OXCT1: variants seen among roughly 807,000 people sequenced by gnomAD.
The protein encoded by OXCT1 is 3-oxoacid CoA-transferase 1, also known as succinyl-CoA:3-ketoacid coenzyme A transferase 1, mitochondrial.
OXCT1 carries 27 observed loss-of-function variants against 69.6 expected under a neutral mutation model. That is an observed-to-expected ratio of 0.39 (90% CI 0.29 to 0.54). The LOEUF is 0.54. Among genes scored for constraint, OXCT1 ranks in the 20% least tolerant of loss-of-function variants. The pLI, the probability that OXCT1 is intolerant of heterozygous loss-of-function variation, is 0.72. For missense variants in OXCT1, 437 were observed against 650.2 expected (o/e 0.67, Z 3.57); for synonymous variants, 202 against 217.8 (o/e 0.93, Z 0.64).
rs1742603624 is a variant in OXCT1, at chr5:41,731,235, A to G, written c.*494T>C. 5 of 258,610 alleles carry G rather than the reference A, an allele frequency of 1.9e-5. No homozygotes were observed. Among genetic ancestry groups the G allele is most frequent in the Non-Finnish European group, 3.1e-5 (5 of 161,920 alleles). 16.0% of individuals were successfully genotyped at this position (258,610 alleles called of 1,614,324 possible). ...TAAAAGCAGTATGGGAGGAAGGGGG[A>G]TGTTCTAGGGGGACAAGATGTAATC... On this transcript the variant is annotated 3_prime_UTR_variant, in exon 17 of 17. Coordinates refer to ENST00000196371, the MANE Select transcript of OXCT1 (RefSeq NM_000436.4).
intron 15 of OXCT1, among the ~76,000 whole-genome samples, chr5:41,748,888 C>T (rs530946532): frequency 2.3e-4 from 35 of 151,980 alleles, no homozygotes; most frequent in Non-Finnish European, 2.8e-4. Flanking sequence ...TAAGTCATTC[C>T]GACATACTAG....
At chr5:41,807,509 A>G (rs1024490064) in intron 7 of OXCT1, 71 bp from the exon 8 acceptor site, 1 of 837,138 alleles carries the variant, frequency 1.2e-6, no homozygotes, top group Non-Finnish European at 2.0e-6. Context: ...TTTAAAAAGT[A>G]TACACAACTT....
At chr5:41,791,230 C>CA (rs1237459493) in intron 13 of OXCT1, among the ~76,000 whole-genome samples, 5 of 151,674 alleles carry the variant, frequency 3.3e-5, no homozygotes, top group African/African-American at 4.8e-5. Context: ...ATGAAAGCAA[C>CA]AAAAAAAATG....
intron 13 of OXCT1, among the ~76,000 whole-genome samples, chr5:41,777,469 C>A (rs1032986174): frequency 6.6e-6 from 1 of 152,184 alleles, no homozygotes; most frequent in Admixed American, 6.5e-5. Context: ...AGTCACAGAA[C>A]AAGTCAGAAA....
chr5:41,741,842 G>GA (rs994942593), intron 15 of OXCT1, among the ~76,000 whole-genome samples: 4 of 151,894 alleles, frequency 2.6e-5, no homozygotes, highest in Non-Finnish European at 1.5e-5. Context: ...GTTTCAAGAG[G>GA]AAAAAAATAA....
chr5:41,743,816 T>C (rs1373510875), intron 15 of OXCT1, among the ~76,000 whole-genome samples: 4 of 152,226 alleles, frequency 2.6e-5, no homozygotes, highest in Non-Finnish European at 4.4e-5. Context: ...TTCTGAGGGC[T>C]CTGTTCTGTT....
At chr5:41,780,482 T>C (rs1745340054) in intron 13 of OXCT1, among the ~76,000 whole-genome samples, 1 of 152,222 alleles carries the variant, frequency 6.6e-6, no homozygotes, top group Non-Finnish European at 1.5e-5. Flanking sequence ...AATATTAAGT[T>C]AAAACTCTAA....
chr5:41,735,679 G>A (rs1168006177), intron 16 of OXCT1, among the ~76,000 whole-genome samples: 2 of 152,172 alleles, frequency 1.3e-5, no homozygotes, highest in African/African-American at 4.8e-5. Context: ...ATAGCGCTGG[G>A]GACAGGGGAG....
chr5:41,845,373 T>A (rs921323947), intron 5 of OXCT1, among the ~76,000 whole-genome samples: 1 of 152,162 alleles, frequency 6.6e-6, no homozygotes, highest in African/African-American at 2.4e-5. Context: ...TTGCTGTTAA[T>A]CTACTTGATT....
At chr5:41,764,412 ACTGAATGT>A (rs1370498436) in intron 13 of OXCT1, among the ~76,000 whole-genome samples, 13 of 152,168 alleles carry the variant, frequency 8.5e-5, no homozygotes, top group Non-Finnish European at 1.2e-4. Context: ...AATTCAACTT[ACTGAATGT>A]CTAGTATAAG....
At chr5:41,866,091 T>C (rs1320770701) in intron 1 of OXCT1, among the ~76,000 whole-genome samples, 3 of 149,324 alleles carry the variant, frequency 2.0e-5, no homozygotes, top group Admixed American at 1.3e-4. Context: ...TCTGATGTTA[T>C]ATACAGAAGC....
intron 14 of OXCT1, among the ~76,000 whole-genome samples, chr5:41,757,844 C>T (rs79053905): frequency 2.6e-5 from 4 of 152,154 alleles, no homozygotes; most frequent in East Asian, 1.9e-4. Context: ...TTAAGTTCTG[C>T]GGGCAAGGAT....
rs1746055273 is a variant in OXCT1 at position 41,794,005 on chromosome 5, G to A, written c.1246C>T (p.Pro416Ser). The A allele has an allele frequency of 6.3e-7, 1 of 1,588,948 alleles. No homozygotes were observed. Among genetic ancestry groups the A allele is most frequent in the Admixed American group, 1.7e-5 (1 of 59,938 alleles). ...KYGDLANWMI[P>S]GKMVKGMGGA... ...CAGAATAAAAAATGTCTACTTACAGGTATCATCCAGTTAGCCAGGTCACCA... is the reference window on the plus strand; with the variant it reads ...CAGAATAAAAAATGTCTACTTACAGATATCATCCAGTTAGCCAGGTCACCA... The change falls in exon 13 of 17, where the codon CCT (proline) becomes TCT (serine). Residue 416 changes from proline to serine, a missense_variant and splice_region_variant. Pro to Ser is a moderately conservative substitution (Grantham distance 74, BLOSUM62 -1). Around this residue, in one of 4 missense-constraint regions of OXCT1, gnomAD observed 102 missense variants for 162.1 expected, o/e 0.63. Transcript: ENST00000196371.
chr5:41,855,815 G>C (rs1749402394), intron 3 of OXCT1, among the ~76,000 whole-genome samples: 3 of 152,178 alleles, frequency 2.0e-5, no homozygotes, highest in Admixed American at 2.0e-4. Flanking sequence ...TCTGAAAATG[G>C]AGAACCCAAC....
chr5:41,857,713 A>G (rs764642540), intron 3 of OXCT1, among the ~76,000 whole-genome samples: 1 of 152,146 alleles, frequency 6.6e-6, no homozygotes, highest in Non-Finnish European at 1.5e-5. Context: ...CACCCCTCCA[A>G]TACAAATTCC....
At chr5:41,854,535 A>G (rs913795687) in intron 3 of OXCT1, among the ~76,000 whole-genome samples, 1 of 152,222 alleles carries the variant, frequency 6.6e-6, no homozygotes, top group African/African-American at 2.4e-5. Flanking sequence ...CTAGAGAAAT[A>G]AAACATTTCT....
At chr5:41,820,415 T>C (rs1046288641) in intron 7 of OXCT1, among the ~76,000 whole-genome samples, 3 of 152,132 alleles carry the variant, frequency 2.0e-5, no homozygotes, top group South Asian at 2.1e-4. Context: ...CTTCTAGAAA[T>C]GTGGTCAAAT....
At chr5:41,809,388 C>G (rs981388524) in intron 7 of OXCT1, among the ~76,000 whole-genome samples, 1 of 151,788 alleles carries the variant, frequency 6.6e-6, no homozygotes, top group African/African-American at 2.4e-5. Flanking sequence ...TTGACATGTA[C>G]CAAAGAGGGC....
At chr5:41,755,841 T>C (rs1049613554) in intron 14 of OXCT1, among the ~76,000 whole-genome samples, 1 of 152,070 alleles carries the variant, frequency 6.6e-6, no homozygotes, top group East Asian at 1.9e-4. Context: ...AAGCAAATAT[T>C]GGTACACATA....
Sources: allele counts gnomAD v4.1 joint callset (sites outside exome capture counted in the v4.1 genomes callset), GRCh38; gene constraint gnomAD v4.1.1; regional missense constraint gnomAD v4.1.1; transcripts MANE v1.5; gene names NCBI Gene and HGNC (gene_info 2026-07-23, HGNC 2026-07-21).